Variants in RYR3 observed in about 807,000 individuals in gnomAD.
RYR3 encodes the protein brain ryanodine receptor-calcium release channel.
In RYR3, 207 loss-of-function variants were observed where a neutral mutation model predicts 584.3. The ratio of observed to expected loss-of-function variants is 0.35; its 90% CI spans 0.32 to 0.40. The LOEUF is 0.40. Ranked by LOEUF, RYR3 falls within the 10% of genes least tolerant of loss-of-function variation. The pLI is 1.00. For missense variants in RYR3, 5,616 were observed against 6,089.2 expected (o/e 0.92, Z 2.59); for synonymous variants, 2,416 against 2,248.5 (o/e 1.07, Z -2.11).
chr15:33,574,572 A>C, intron 12 of RYR3, among the ~76,000 whole-genome samples: 1 of 152,152 alleles, frequency 6.6e-6, no homozygotes, highest in Non-Finnish European at 1.5e-5. Context: ...TAAGAAGCTT[A>C]CAGTCCCCCA....
intron 57 of RYR3, among the ~76,000 whole-genome samples, chr15:33,750,859 C>A (rs188585447): frequency 2.6e-4 from 39 of 152,304 alleles, no homozygotes; most frequent in Admixed American, 2.5e-3. Flanking sequence ...TCTCCTAATG[C>A]TATCCCTCCC....
chr15:33,346,764 T>C (rs955482217), intron 1 of RYR3, among the ~76,000 whole-genome samples: 2 of 152,194 alleles, frequency 1.3e-5, no homozygotes, highest in Admixed American at 6.5e-5. Context: ...TAATCGTGCT[T>C]GCTTTATTTG....
chr15:33,445,166 A>C (rs2046527509), intron 1 of RYR3, among the ~76,000 whole-genome samples: 1 of 152,210 alleles, frequency 6.6e-6, no homozygotes, highest in African/African-American at 2.4e-5. Flanking sequence ...TGAGTTGATA[A>C]GCCACTGCAG....
intron 38 of RYR3, among the ~76,000 whole-genome samples, chr15:33,671,088 C>T (rs960269994): frequency 3.9e-5 from 6 of 152,014 alleles, no homozygotes; most frequent in Non-Finnish European, 2.9e-5. Context: ...TCAACAATGC[C>T]GAGCTTTGTC....
intron 1 of RYR3, among the ~76,000 whole-genome samples, chr15:33,404,833 T>G (rs2042918906): frequency 1.3e-5 from 2 of 152,228 alleles, no homozygotes; most frequent in Non-Finnish European, 2.9e-5. Flanking sequence ...ATAACTTTTA[T>G]TTTAAAAATT....
chr15:33,601,508 G>C lies in RYR3; in HGVS notation c.1878G>C (p.Arg626=). The change falls in exon 17 of 104, where the codon CGG becomes CGC. Residue 626 remains arginine (R), a synonymous_variant. Coordinates refer to ENST00000634891, the MANE Select transcript of RYR3 (RefSeq NM_001036.6). ...TGATCTGTGACAACTTGCTGCCCCG[G>C]AGAAACCTACTCCTGCAGACACGAC... The part of the protein sequence containing the change: ...QNLICDNLLP[R]RNLLLQTRLI... The C allele has an allele frequency of 1.2e-6, 2 of 1,613,746 alleles. No individual in the cohort carries two copies. The highest frequency in any genetic ancestry group is 1.7e-6 in the Non-Finnish European group (2 of 1,179,812).
intron 18 of RYR3, among the ~76,000 whole-genome samples, chr15:33,606,184 A>G (rs1595802974): frequency 6.6e-6 from 1 of 152,174 alleles, no homozygotes; most frequent in African/African-American, 2.4e-5. Context: ...TGGACAAATT[A>G]ACCTCTCAGA....
intron 57 of RYR3, among the ~76,000 whole-genome samples, chr15:33,753,602 C>T (rs1408134559): frequency 1.3e-5 from 2 of 152,126 alleles, no homozygotes; most frequent in Non-Finnish European, 2.9e-5. Context: ...GAGCAAGCTG[C>T]TGTTTCTTCT....
chr15:33,646,539 C>T lies in RYR3; in HGVS notation c.3941+13C>T, dbSNP rs1250815172. On this transcript the variant is annotated intron_variant, in intron 29 of 103. Transcript: ENST00000634891. ...CTTTCCAGAAAAGGTGAGGGTGAGG[C>T]CTCCAGTTCTCAGAGGCACTCATTG... 2 of 1,598,056 alleles carry T rather than the reference C, an allele frequency of 1.3e-6. No homozygotes were observed. Among genetic ancestry groups the T allele is most frequent in the East Asian group, 4.5e-5 (2 of 44,562 alleles).
At chr15:33,638,457 G>T (rs2061620952) in intron 27 of RYR3, among the ~76,000 whole-genome samples, 1 of 152,202 alleles carries the variant, frequency 6.6e-6, no homozygotes. Context: ...ACTGGAAGAG[G>T]TTACTTGTCT....
chr15:33,521,600 A>G (rs1315152828), intron 3 of RYR3, among the ~76,000 whole-genome samples: 2 of 151,894 alleles, frequency 1.3e-5, no homozygotes, highest in Non-Finnish European at 1.5e-5. Context: ...AAATCAAAGG[A>G]GTGCCTTTCT....
intron 1 of RYR3, among the ~76,000 whole-genome samples, chr15:33,381,049 A>C (rs1306302695): frequency 6.6e-6 from 1 of 152,090 alleles, no homozygotes; most frequent in East Asian, 1.9e-4. Flanking sequence ...TCTGTCTCCT[A>C]TCTTTAGTCT....
chr15:33,687,817 A>G (rs1350987275), intron 38 of RYR3, among the ~76,000 whole-genome samples: 1 of 152,230 alleles, frequency 6.6e-6, no homozygotes, highest in Non-Finnish European at 1.5e-5. Flanking sequence ...TGGGGAAAGG[A>G]TTCCCTATTT....
At chr15:33,687,141 A>G (rs1313079717) in intron 38 of RYR3, among the ~76,000 whole-genome samples, 2 of 152,230 alleles carry the variant, frequency 1.3e-5, no homozygotes, top group African/African-American at 2.4e-5. Flanking sequence ...CTGTTTGCCA[A>G]TGACATGATT....
intron 58 of RYR3, 134 bp downstream of exon 58, chr15:33,755,314 C>A (rs2071705911): frequency 1.5e-6 from 1 of 653,064 alleles, no homozygotes; most frequent in Non-Finnish European, 2.7e-6. Context: ...AAATTTTTTT[C>A]CCCCAACTTA....
intron 1 of RYR3, among the ~76,000 whole-genome samples, chr15:33,464,559 GATA>G (rs1215016615): frequency 7.1e-6 from 1 of 140,034 alleles, no homozygotes; most frequent in Non-Finnish European, 1.5e-5. Context: ...TACAAATATA[GATA>G]ATATGTATTT....
At chr15:33,672,201 GAGTC>G (rs10588008) in intron 38 of RYR3, among the ~76,000 whole-genome samples, 15,852 of 152,068 alleles carry the variant, frequency 0.1, 917 homozygotes, top group African/African-American at 0.17. Context: ...GAGGTAAATG[GAGTC>G]AGTCAGATGA....
Position 33,579,968 on chromosome 15 carries a change from G to T in RYR3, c.1269-8G>T, listed in dbSNP as rs1012795589. 1.2e-6 allele frequency: 2 copies of T among 1,604,308 alleles called. No homozygotes were observed. Among genetic ancestry groups the T allele is most frequent in the Non-Finnish European group, 1.7e-6 (2 of 1,174,632 alleles). On this transcript the variant is annotated splice_polypyrimidine_tract_variant and splice_region_variant and intron_variant, in intron 12 of 103. Transcript: ENST00000634891. ...GTGCCTAAACCATGTCAATCTCATG[G>T]TTTTTAGCGGAAACAATCGCACAGC...
intron 38 of RYR3, among the ~76,000 whole-genome samples, chr15:33,687,403 G>T (rs997163547): frequency 2.0e-5 from 3 of 152,178 alleles, no homozygotes; most frequent in African/African-American, 7.2e-5. Context: ...ACTGCTCAAT[G>T]AAATGAAAGA....
Sources: allele counts gnomAD v4.1 joint callset (sites outside exome capture counted in the v4.1 genomes callset), GRCh38; gene constraint gnomAD v4.1.1; transcripts MANE v1.5; gene names NCBI Gene and HGNC (gene_info 2026-07-23, HGNC 2026-07-21).